Variants in PLA2G12A observed in about 807,000 individuals in gnomAD.
PLA2G12A encodes the protein phospholipase A2 group XIIA, also known as group XIIA secretory phospholipase A2.
PLA2G12A carries 11 observed loss-of-function variants against 16.0 expected under a neutral mutation model. That is an observed-to-expected ratio of 0.69 (90% CI 0.43 to 1.13). The LOEUF (loss-of-function observed/expected upper bound fraction) is 1.13. Among genes scored for constraint, PLA2G12A ranks in the 50% most tolerant of loss-of-function variants. PLA2G12A has a pLI of 0.00. For synonymous variants in PLA2G12A, 77 were observed against 93.8 expected (o/e 0.82, Z 1.03); for missense variants, 214 against 237.3 (o/e 0.90, Z 0.65).
chr4:109,710,206 A>T lies in PLA2G12A; in HGVS notation c.*4171T>A, dbSNP rs535819874. On this transcript the variant is annotated 3_prime_UTR_variant, in exon 4 of 4. Coordinates refer to ENST00000243501, the MANE Select transcript of PLA2G12A (RefSeq NM_030821.5). ...AATTTCTATGAATTTTGAACAATACAATGTAGTGTATGTGGAAAGATCTTG... is the reference window on the plus strand; with the variant it reads ...AATTTCTATGAATTTTGAACAATACTATGTAGTGTATGTGGAAAGATCTTG... The T allele has an allele frequency of 6.6e-6, 1 of 152,330 alleles. No individual in the cohort carries two copies. The highest frequency in any genetic ancestry group is 2.1e-4 in the South Asian group (1 of 4,830). The allele number at this position is 152,330 out of a possible 1,614,324, so 9.4% of individuals were successfully genotyped here. A position where few individuals can be genotyped will look rare whatever the true frequency, so the allele number is the denominator to read the frequency against.
chr4:109,725,526 G>C (rs1222490130), intron 1 of PLA2G12A, among the ~76,000 whole-genome samples: 1 of 152,200 alleles, frequency 6.6e-6, no homozygotes, highest in Non-Finnish European at 1.5e-5. Flanking sequence ...AAAACACCAT[G>C]ATGTGTTGCG....
intron 1 of PLA2G12A, among the ~76,000 whole-genome samples, chr4:109,720,889 C>T (rs13127878): frequency 0.62 from 93,660 of 151,334 alleles, 29,110 homozygotes; most frequent in South Asian, 0.68. Flanking sequence ...ACCAACATGG[C>T]GAAACCCCAT....
intron 1 of PLA2G12A, 110 bp downstream of exon 1, chr4:109,729,492 G>T: frequency 8.2e-7 from 1 of 1,215,086 alleles, no homozygotes; most frequent in Non-Finnish European, 1.1e-6. Flanking sequence ...TTCCACAGCC[G>T]AAGGACACCG....
intron 3 of PLA2G12A, among the ~76,000 whole-genome samples, chr4:109,716,320 T>G (rs1730826753): frequency 6.6e-6 from 1 of 152,254 alleles, no homozygotes; most frequent in East Asian, 1.9e-4. Flanking sequence ...TCAGGCTAAA[T>G]GCTCACTTGG....
Position 109,710,354 on chromosome 4 carries a change from GATAAA to G in PLA2G12A, c.*4018_*4022del, listed in dbSNP as rs1730700102. On this transcript the variant is annotated 3_prime_UTR_variant, in exon 4 of 4. Transcript: ENST00000243501. ...AGATGTTATACGTGTCTTGTACTAG[GATAAA>G]ATAATGAGCATTGTGCATCGCACCT... The G allele has an allele frequency of 6.6e-6, 1 of 152,178 alleles. No individual in the cohort carries two copies. Among genetic ancestry groups the G allele is most frequent in the African/African-American group, 2.4e-5 (1 of 41,430 alleles). 9.4% of individuals were successfully genotyped at this position (152,178 alleles called of 1,614,324 possible). A position where few individuals can be genotyped will look rare whatever the true frequency, so the allele number is the denominator to read the frequency against.
intron 1 of PLA2G12A, among the ~76,000 whole-genome samples, chr4:109,719,625 C>G (rs1417861135): frequency 6.6e-6 from 1 of 152,144 alleles, no homozygotes; most frequent in African/African-American, 2.4e-5. Flanking sequence ...GGTTCAGTCC[C>G]AGATCATCAC....
chr4:109,725,046 C>G (rs991954484), intron 1 of PLA2G12A, among the ~76,000 whole-genome samples: 2 of 152,248 alleles, frequency 1.3e-5, no homozygotes, highest in Admixed American at 1.3e-4. Context: ...CACCCCCTCT[C>G]TTTCTAGCAT....
At chr4:109,717,104 C>T (rs1443813237) in intron 3 of PLA2G12A, among the ~76,000 whole-genome samples, 2 of 152,180 alleles carry the variant, frequency 1.3e-5, no homozygotes, top group African/African-American at 2.4e-5. Flanking sequence ...TTATCAGACA[C>T]CAAATCTGCT....
rs372498036 is a variant in PLA2G12A, at chr4:109,710,378, C to G, written c.*3999G>C. 3 of 152,178 alleles carry G rather than the reference C, an allele frequency of 2.0e-5. No individual in the cohort carries two copies. In the East Asian group the frequency reaches 5.8e-4, roughly 29 times the overall value. The allele number at this position is 152,178 out of a possible 1,614,324, so 9.4% of individuals were successfully genotyped here. On this transcript the variant is annotated 3_prime_UTR_variant, in exon 4 of 4. Transcript: ENST00000243501. ...GGATAAAATAATGAGCATTGTGCAT[C>G]GCACCTTCTGATAATCTCATACTTC...
In PLA2G12A at chr4:109,729,822, G is replaced by C. The variant is rs1396733334; in HGVS notation, c.-13C>G. 1.3e-6 allele frequency: 2 copies of C among 1,544,502 alleles called. No individual in the cohort carries two copies. The highest frequency in any genetic ancestry group is 3.9e-5 in the Admixed American group (2 of 50,646). On this transcript the variant is annotated 5_prime_UTR_variant, in exon 1 of 4. Transcript: ENST00000243501. ...AGAGCAGGGCCATGCGCGCAGCGCC[G>C]GGCTCTACGGGTCCCCGAGCCGCGG... is the stretch of plus-strand genomic sequence containing the variant.
chr4:109,729,670 G>C lies in PLA2G12A; in HGVS notation c.140C>G (p.Thr47Arg), dbSNP rs754638399. The change falls in exon 1 of 4, where the codon ACG becomes AGG. Residue 47 changes from threonine to arginine, a missense_variant. Transcript: ENST00000243501. ...GAGGTCCAAGGCGGCGTTCAGGTAC[G>C]TGTCTATCTTATGAACGCCGTTCCG... ...TIRNGVHKIDTYLNAALDLLG... is the reference protein window; with the variant it reads ...TIRNGVHKIDRYLNAALDLLG... 39 of 1,611,902 alleles carry C rather than the reference G, an allele frequency of 2.4e-5. No homozygotes were observed. The highest frequency in any genetic ancestry group is 3.1e-5 in the Non-Finnish European group (36 of 1,179,814).
intron 1 of PLA2G12A, among the ~76,000 whole-genome samples, chr4:109,727,334 C>T (rs1259597072): frequency 1.3e-5 from 2 of 152,016 alleles, no homozygotes; most frequent in East Asian, 1.9e-4. Flanking sequence ...TGGTCTCGAA[C>T]TCCTGAGCTC....
rs571261496 is a variant in PLA2G12A at position 109,717,437 on chromosome 4, A to G, written c.451+111T>C. The G allele has an allele frequency of 3.0e-5, 35 of 1,163,764 alleles. No individual in the cohort carries two copies. The African/African-American group carries it at 3.8e-4, about 13-fold the overall frequency. The allele number at this position is 1,163,764 out of a possible 1,614,324, so 72.1% of individuals were successfully genotyped here. On this transcript the variant is annotated intron_variant, in intron 3 of 3. Coordinates refer to ENST00000243501, the MANE Select transcript of PLA2G12A (RefSeq NM_030821.5). Reference sequence around the variant, plus strand: ...TCAGAAAATTGAAGTCTGTGTCACAATAGATAATATATGTGAAAGATTTCT... The same window carrying G: ...TCAGAAAATTGAAGTCTGTGTCACAGTAGATAATATATGTGAAAGATTTCT...
Position 109,714,405 on chromosome 4 carries a change from C to T in PLA2G12A, c.542G>A (p.Cys181Tyr). ...AAGATCAGTTTTTTCTTCATAATGACACCTGCATGCGGCTCGTTGGCTGTC... is the reference window on the plus strand; with the variant it reads ...AAGATCAGTTTTTTCTTCATAATGATACCTGCATGCGGCTCGTTGGCTGTC... Reference protein sequence around the residue: ...YLDSQRAACRCHYEEKTDL With the variant: ...YLDSQRAACRYHYEEKTDL Residue 181 changes from cysteine to tyrosine, a missense_variant, in exon 4 of 4, where the codon TGT becomes TAT. Physicochemically the swap from Cys to Tyr is radical, Grantham distance 194 (BLOSUM62 -2). Transcript: ENST00000243501. 3 of 1,613,742 alleles carry T rather than the reference C, an allele frequency of 1.9e-6. No individual in the cohort carries two copies. The highest frequency in any genetic ancestry group is 2.5e-6 in the Non-Finnish European group (3 of 1,179,656).
chr4:109,728,304 T>C (rs1424021447), intron 1 of PLA2G12A, among the ~76,000 whole-genome samples: 3 of 152,266 alleles, frequency 2.0e-5, no homozygotes, highest in Non-Finnish European at 4.4e-5. Context: ...GATTTTTGTC[T>C]GTTTTATTAA....
intron 1 of PLA2G12A, among the ~76,000 whole-genome samples, chr4:109,720,413 C>T (rs1359561969): frequency 6.6e-6 from 1 of 151,348 alleles, no homozygotes; most frequent in African/African-American, 2.4e-5. Flanking sequence ...TTTCAGTAAT[C>T]AACCATCAAA....
In PLA2G12A at chr4:109,710,023, C is replaced by T. The variant is rs757324033; in HGVS notation, c.*4354G>A. 15 of 152,106 alleles carry T rather than the reference C, an allele frequency of 9.9e-5. No homozygotes were observed. The highest frequency in any genetic ancestry group is 2.1e-4 in the Non-Finnish European group (14 of 68,018). The allele number at this position is 152,106 out of a possible 1,614,324, so 9.4% of individuals were successfully genotyped here. A position where few individuals can be genotyped will look rare whatever the true frequency, so the allele number is the denominator to read the frequency against. On this transcript the variant is annotated 3_prime_UTR_variant, in exon 4 of 4. Transcript: ENST00000243501. ...AGTTTTATTAATAATTATTATTTTT[C>T]GTATACCGGTTGCACTGATTCATTT...
At chr4:109,729,457 C>T (rs1022518338) in intron 1 of PLA2G12A, 145 bp downstream of exon 1, 2 of 859,976 alleles carry the variant, frequency 2.3e-6, no homozygotes, top group Non-Finnish European at 3.5e-6. Context: ...ACTAGAACGG[C>T]AAGATTCTAG....
At position 109,729,891 on chromosome 4, in the gene PLA2G12A, C is replaced by A; in HGVS notation, c.-82G>T. ...AGAGTCCCCAGGACGCGCTAGGCAG[C>A]GGCGCGGGCCCCGGACTTGGCAGCA... On this transcript the variant is annotated 5_prime_UTR_variant, in exon 1 of 4. Transcript: ENST00000243501. 1 of 1,262,358 alleles carries A rather than the reference C, an allele frequency of 7.9e-7. No individual in the cohort carries two copies. The highest frequency in any genetic ancestry group is 1.1e-6 in the Non-Finnish European group (1 of 944,520). 78.2% of individuals were successfully genotyped at this position (1,262,358 alleles called of 1,614,324 possible).
Sources: gnomAD v4.1 joint callset for allele counts (sites outside exome capture counted in the v4.1 genomes callset) on GRCh38, gnomAD v4.1.1 for gene constraint, MANE v1.5 for transcripts, NCBI Gene and HGNC (gene_info 2026-07-23, HGNC 2026-07-21) for gene names.